HDAC8: variants seen among roughly 807,000 people sequenced by gnomAD.
HDAC8 encodes the protein histone deacetylase 8.
Under a neutral mutation model 32.2 loss-of-function variants are expected in HDAC8, and 1 was observed. The observed-to-expected ratio is 0.03, with a 90% CI of 0.01 to 0.15. The LOEUF (loss-of-function observed/expected upper bound fraction) is 0.15. HDAC8 is among the 10% of genes least tolerant of loss of function. HDAC8 has a pLI of 1.00. For missense variants in HDAC8, 117 were observed against 300.0 expected (o/e 0.39, Z 4.51); for synonymous variants, 108 against 113.9 (o/e 0.95, Z 0.33).
At chrX:72,468,042 G>C (rs782345063) in intron 7 of HDAC8, 2 of 1,172,229 alleles carry the variant, frequency 1.7e-6, no homozygotes, top group Admixed American at 5.2e-5. Flanking sequence ...TTGATAAGAA[G>C]CTTTCAGAAA....
chrX:72,510,494 G>A (rs1165980382), intron 4 of HDAC8, among the ~76,000 whole-genome samples: 1 of 111,574 alleles, frequency 9.0e-6, no homozygotes, highest in Non-Finnish European at 1.9e-5. Flanking sequence ...GAAAAGTGCT[G>A]GAAGGCCAGT....
At chrX:72,370,453 C>T (rs2147794960) in intron 9 of HDAC8, among the ~76,000 whole-genome samples, 1 of 111,817 alleles carries the variant, frequency 8.9e-6, no homozygotes, top group Non-Finnish European at 1.9e-5. Context: ...CTCCACCTCC[C>T]AGGTTCAAGC....
intron 4 of HDAC8, among the ~76,000 whole-genome samples, chrX:72,527,236 G>T (rs1298472813): frequency 2.7e-5 from 3 of 111,584 alleles, no homozygotes; most frequent in Non-Finnish European, 3.8e-5. Flanking sequence ...TGCATGTTCA[G>T]TTCCCTTTTC....
intron 9 of HDAC8, among the ~76,000 whole-genome samples, chrX:72,411,496 AATTATTTT>A (rs2046196983): frequency 8.9e-6 from 1 of 112,188 alleles, no homozygotes; most frequent in Non-Finnish European, 1.9e-5. Context: ...CACAATATGT[AATTATTTT>A]ATTGTGTTTA....
intron 7 of HDAC8, among the ~76,000 whole-genome samples, chrX:72,469,653 A>C (rs1214726118): frequency 8.9e-6 from 1 of 111,980 alleles, no homozygotes; most frequent in Non-Finnish European, 1.9e-5. Flanking sequence ...AATCAAGTGA[A>C]TTGCTTCCAT....
Position 72,427,086 on chromosome X carries a change from G to A in HDAC8, c.1005+34918C>T, listed in dbSNP as rs782711852. Among the ~76,000 whole-genome samples, 3 of 110,307 alleles carry A rather than the reference G, an allele frequency of 2.7e-5. No individual in the cohort carries two copies. In the East Asian group the frequency reaches 8.6e-4, roughly 31 times the overall value. ...TCTGTTGTTTAAGCCCTCCAGCCTG[G>A]GGTATTTTGTTTTGGAAGCCTGAAT... On this transcript the variant is annotated intron_variant, in intron 9 of 10. Coordinates refer to ENST00000373573, the MANE Select transcript of HDAC8 (RefSeq NM_018486.3).
At chrX:72,399,840 T>C in intron 9 of HDAC8, among the ~76,000 whole-genome samples, 2 of 112,718 alleles carry the variant, frequency 1.8e-5, no homozygotes, top group Middle Eastern at 4.6e-3. Flanking sequence ...TTGATTTTTA[T>C]TGCTGTTGTA....
intron 7 of HDAC8, among the ~76,000 whole-genome samples, chrX:72,483,821 T>A (rs1306482539): frequency 2.7e-5 from 3 of 111,522 alleles, no homozygotes; most frequent in Admixed American, 9.5e-5. Flanking sequence ...GATACTATAA[T>A]TTTTTTCTTC....
At chrX:72,518,934 T>G (rs1431946763) in intron 4 of HDAC8, among the ~76,000 whole-genome samples, 1 of 112,727 alleles carries the variant, frequency 8.9e-6, no homozygotes, top group Non-Finnish European at 1.9e-5. Flanking sequence ...TGAATAATAG[T>G]GCATTGTATG....
At chrX:72,442,384 C>G (rs1344903877) in intron 9 of HDAC8, among the ~76,000 whole-genome samples, 1 of 111,742 alleles carries the variant, frequency 8.9e-6, no homozygotes, top group Non-Finnish European at 1.9e-5. Flanking sequence ...CAACATTCAA[C>G]ATTCTTAAAG....
intron 9 of HDAC8, among the ~76,000 whole-genome samples, chrX:72,413,657 C>T (rs2046260675): frequency 9.0e-6 from 1 of 110,782 alleles, no homozygotes; most frequent in East Asian, 2.9e-4. Context: ...TACCTCCATG[C>T]TATTCTTCTG....
At chrX:72,450,240 G>A (rs1292542423) in intron 9 of HDAC8, among the ~76,000 whole-genome samples, 1 of 112,078 alleles carries the variant, frequency 8.9e-6, no homozygotes, top group African/African-American at 3.2e-5. Context: ...ATTGCCAAGG[G>A]TTCGTGATGG....
intron 4 of HDAC8, among the ~76,000 whole-genome samples, chrX:72,508,518 G>A (rs1485423061): frequency 8.9e-6 from 1 of 112,614 alleles, no homozygotes; most frequent in African/African-American, 3.2e-5. Context: ...TGGCTTAAAT[G>A]TTTGTCCCCT....
intron 4 of HDAC8, among the ~76,000 whole-genome samples, chrX:72,507,183 T>G (rs2049421670): frequency 9.0e-6 from 1 of 110,518 alleles, no homozygotes; most frequent in Admixed American, 9.7e-5. Context: ...ATCCCTCTTT[T>G]AATATGCCTA....
chrX:72,532,533 T>C (rs1381751111), intron 4 of HDAC8, among the ~76,000 whole-genome samples: 2 of 102,966 alleles, frequency 1.9e-5, no homozygotes, highest in African/African-American at 7.2e-5. Context: ...CAGGCTGAAG[T>C]GTAGTGGCTT....
At chrX:72,377,539 T>A (rs2147812983) in intron 9 of HDAC8, among the ~76,000 whole-genome samples, 1 of 112,117 alleles carries the variant, frequency 8.9e-6, no homozygotes, top group South Asian at 3.7e-4. Context: ...TTTCTCTTTT[T>A]CACTTCTTTA....
chrX:72,367,053 A>G (rs2044722129), intron 9 of HDAC8, among the ~76,000 whole-genome samples: 1 of 112,430 alleles, frequency 8.9e-6, no homozygotes. Context: ...CCTGCTGGTA[A>G]GAAGGGAGTA....
At chrX:72,518,507 T>C (rs923861224) in intron 4 of HDAC8, among the ~76,000 whole-genome samples, 2 of 111,896 alleles carry the variant, frequency 1.8e-5, no homozygotes, top group Admixed American at 9.5e-5. Context: ...TCTTCTTCCC[T>C]GCACACAGCT....
chrX:72,525,264 G>A (rs1242674489), intron 4 of HDAC8, among the ~76,000 whole-genome samples: 4 of 111,616 alleles, frequency 3.6e-5, no homozygotes, highest in Admixed American at 1.9e-4. Flanking sequence ...TAGCAGTATC[G>A]AGAACAGAGC....
Sources: allele counts gnomAD v4.1 joint callset (sites outside exome capture counted in the v4.1 genomes callset), GRCh38; gene constraint gnomAD v4.1.1; transcripts MANE v1.5; gene names NCBI Gene and HGNC (gene_info 2026-07-23, HGNC 2026-07-21).